The following LAMB1 variants were observed in gnomAD, a reference collection of about 807,000 sequenced individuals.
LAMB1 encodes the protein laminin subunit beta-1.
A neutral mutation model predicts 222.3 loss-of-function variants in LAMB1; 121 were observed. That is an observed-to-expected ratio of 0.54 (90% CI 0.47 to 0.63). LAMB1 has a LOEUF of 0.63. Among genes scored for constraint, LAMB1 ranks in the 30% least tolerant of loss-of-function variants. The pLI, the probability that LAMB1 is intolerant of heterozygous loss-of-function variation, is 0.00. For missense variants in LAMB1, 2,172 were observed against 2,240.8 expected, an observed-to-expected ratio of 0.97 and a Z score of 0.62; for synonymous variants, 794 against 807.2, an observed-to-expected ratio of 0.98 and a Z score of 0.28.
chr7:107,955,663 C>A, intron 20 of LAMB1, 33 bp from the exon 21 acceptor site: 2 of 1,571,290 alleles, frequency 1.3e-6, no homozygotes, highest in Non-Finnish European at 1.7e-6. Flanking sequence ...CAGGCCATGA[C>A]CCCACAGTTC....
chr7:107,978,254 C>CT, intron 8 of LAMB1, 87 bp from the exon 9 acceptor site: 2 of 1,399,104 alleles, frequency 1.4e-6, no homozygotes, highest in Non-Finnish European at 2.0e-6. Flanking sequence ...GTTTAAAACC[C>CT]TTTTTCATAC....
chr7:107,990,503 T>C (rs905422562), intron 5 of LAMB1, among the ~76,000 whole-genome samples: 7 of 152,354 alleles, frequency 4.6e-5, no homozygotes, highest in African/African-American at 1.7e-4. Context: ...TTCACTACTG[T>C]CAGTGGCTTC....
intron 27 of LAMB1, 41 bp from the exon 28 acceptor site, chr7:107,932,418 G>T (rs895182463): frequency 6.2e-7 from 1 of 1,600,534 alleles, no homozygotes; most frequent in Admixed American, 1.7e-5. Flanking sequence ...TTCGGATAGT[G>T]AATCTGCTGC....
At chr7:107,961,138 C>A (rs552061714) in intron 17 of LAMB1, 68 bp downstream of exon 17, 1 of 1,597,594 alleles carries the variant, frequency 6.3e-7, no homozygotes, top group Non-Finnish European at 8.6e-7. Context: ...CAACAAAACA[C>A]CCTGAGAGCA....
Position 107,986,029 on chromosome 7 carries a change from C to T in LAMB1, c.669G>A (p.Arg223=), listed in dbSNP as rs2034069959. ...GTTTGAAAATGAACTTACTCTGTATCCTTGGGCTATAAGGATCTTCTATTT... is the reference window on the plus strand; with the variant it reads ...GTTTGAAAATGAACTTACTCTGTATTCTTGGGCTATAAGGATCTTCTATTT... ...AFKIEDPYSP[R]IQNLLKITNL... Residue 223 remains arginine (R), a synonymous_variant, in exon 7 of 34, where the codon AGG becomes AGA. Transcript: ENST00000222399. 26 of 1,606,598 alleles carry T rather than the reference C, an allele frequency of 1.6e-5. 1 individual carries two copies. In the East Asian group the frequency reaches 5.1e-4, roughly 32 times the overall value.
intron 7 of LAMB1, among the ~76,000 whole-genome samples, chr7:107,982,452 A>G (rs911480320): frequency 1.3e-5 from 2 of 152,228 alleles, no homozygotes; most frequent in Non-Finnish European, 2.9e-5. Context: ...GGTAGAAAGG[A>G]AAAGTCCATG....
intron 7 of LAMB1, among the ~76,000 whole-genome samples, chr7:107,984,496 C>T (rs2034036183): frequency 6.6e-6 from 1 of 152,216 alleles, no homozygotes; most frequent in African/African-American, 2.4e-5. Flanking sequence ...GATCCGCCTG[C>T]CTTGGCCTCC....
At chr7:107,970,501 A>AG (rs1421648735) in intron 13 of LAMB1, among the ~76,000 whole-genome samples, 1 of 129,198 alleles carries the variant, frequency 7.7e-6, no homozygotes, top group African/African-American at 3.0e-5. Flanking sequence ...AAAAAAAAAA[A>AG]AAAAGGGGGG....
At chr7:108,002,752 G>A in intron 2 of LAMB1, 97 bp downstream of exon 2, 2 of 1,526,668 alleles carry the variant, frequency 1.3e-6, no homozygotes, top group South Asian at 2.4e-5. Flanking sequence ...CCTCTCCCAA[G>A]CCCCCAGGAT....
chr7:107,927,882 G>A (rs1267062182), intron 31 of LAMB1, among the ~76,000 whole-genome samples: 1 of 152,122 alleles, frequency 6.6e-6, no homozygotes, highest in Non-Finnish European at 1.5e-5. Flanking sequence ...ACCAACTAAT[G>A]GTAAGAAAAG....
At chr7:107,980,982 T>C (rs2033961202) in intron 7 of LAMB1, among the ~76,000 whole-genome samples, 171 bp from the exon 8 acceptor site, 1 of 152,064 alleles carries the variant, frequency 6.6e-6, no homozygotes, top group Admixed American at 6.5e-5. Flanking sequence ...ATAACATGAC[T>C]GCAAAGAGGA....
At chr7:107,943,691 T>C (rs577711332) in intron 24 of LAMB1, among the ~76,000 whole-genome samples, 59 of 152,294 alleles carry the variant, frequency 3.9e-4, no homozygotes, top group African/African-American at 1.4e-3. Context: ...TTTTTATTTC[T>C]ATCACGTTCC....
chr7:107,940,131 A>G lies in LAMB1; in HGVS notation c.3619T>C (p.Leu1207=). 3 of 1,614,090 alleles carry G rather than the reference A, an allele frequency of 1.9e-6. No individual in the cohort carries two copies. The highest frequency in any genetic ancestry group is 1.1e-5 in the South Asian group (1 of 91,058). The change falls in exon 25 of 34, where the codon TTG becomes CTG. Residue 1207 remains leucine (L), a synonymous_variant. Coordinates refer to ENST00000222399, the MANE Select transcript of LAMB1 (RefSeq NM_002291.3). ...THRFLEKAKA[L]KISGVIGPYR... is the part of the protein sequence containing the mutation. The stretch of plus-strand genomic sequence containing the variant: ...GGCCCGATCACACCACTGATCTTCA[A>G]GGCCTTGGCTTTCTCCAGGAATCTG...
rs77723488 is a variant in LAMB1 at position 107,976,544 on chromosome 7, C to T, written c.1001-667G>A. On this transcript the variant is annotated intron_variant, in intron 9 of 33. Transcript: ENST00000222399. Reference sequence around the variant, plus strand: ...CCATTCTTGTCTTTGCACAGGGAAGCTTGACTCAGCCTGGCCCTCCTGAGC... The same window carrying T: ...CCATTCTTGTCTTTGCACAGGGAAGTTTGACTCAGCCTGGCCCTCCTGAGC... Among the ~76,000 whole-genome samples, 1,197 of 152,248 alleles carry T rather than the reference C, an allele frequency of 7.9e-3. 24 individuals carry two copies. The highest frequency in any genetic ancestry group is 0.027 in the African/African-American group (1,129 of 41,546).
Position 107,964,098 on chromosome 7 carries a change from G to A in LAMB1, c.1698+454C>T, listed in dbSNP as rs570134966. Among the ~76,000 whole-genome samples the A allele has an allele frequency of 3.3e-5, 5 of 151,890 alleles. No homozygotes were observed. In the East Asian group the frequency reaches 9.7e-4, roughly 29 times the overall value. On this transcript the variant is annotated intron_variant, in intron 14 of 33. Transcript: ENST00000222399. Reference sequence around the variant, plus strand: ...GGCAATAAGAGCGAAACTCAGTCTCGAAAAAAAGAAAAAAGAAAGGTCGTG... The same window carrying A: ...GGCAATAAGAGCGAAACTCAGTCTCAAAAAAAAGAAAAAAGAAAGGTCGTG...
In LAMB1 at chr7:107,947,514, C is replaced by G. The variant is rs552486846; in HGVS notation, c.3391+3712G>C. On this transcript the variant is annotated intron_variant, in intron 24 of 33. Coordinates refer to ENST00000222399, the MANE Select transcript of LAMB1 (RefSeq NM_002291.3). The stretch of plus-strand genomic sequence containing the variant: ...AAGCCCCTGTGCTCCTGTTTCTAAT[C>G]GTGAATGCATTCCAGCACAAACATA... Among the ~76,000 whole-genome samples, 7 of 152,314 alleles carry G rather than the reference C, an allele frequency of 4.6e-5. No homozygotes were observed. In the South Asian group the frequency reaches 1.0e-3, roughly 23 times the overall value.
chr7:107,937,918 A>G (rs917802342), intron 25 of LAMB1, among the ~76,000 whole-genome samples: 1 of 152,090 alleles, frequency 6.6e-6, no homozygotes, highest in Non-Finnish European at 1.5e-5. Context: ...TGGAATCTAA[A>G]CTGCATTTTG....
intron 32 of LAMB1, 71 bp from the exon 33 acceptor site, chr7:107,924,460 G>T (rs1228742804): frequency 1.6e-6 from 2 of 1,220,540 alleles, no homozygotes; most frequent in East Asian, 5.1e-5. Context: ...GAGCAATAGT[G>T]TAATCATGGC....
At chr7:107,935,129 A>C (rs978696259) in intron 27 of LAMB1, among the ~76,000 whole-genome samples, 5 of 151,996 alleles carry the variant, frequency 3.3e-5, no homozygotes, top group Non-Finnish European at 5.9e-5. Context: ...CTGAGTAGCT[A>C]AAACAGTATG....
Sources: allele counts gnomAD v4.1 joint callset (sites outside exome capture counted in the v4.1 genomes callset), GRCh38; gene constraint gnomAD v4.1.1; transcripts MANE v1.5; gene names NCBI Gene and HGNC (gene_info 2026-07-23, HGNC 2026-07-21).